KHDRBS2: variants seen among roughly 807,000 people sequenced by gnomAD.
The protein encoded by KHDRBS2 is KH RNA binding domain containing, signal transduction associated 2.
In KHDRBS2, 26 loss-of-function variants were observed where a neutral mutation model predicts 44.3. That is an observed-to-expected ratio of 0.59 (90% confidence interval 0.43 to 0.81). The LOEUF (loss-of-function observed/expected upper bound fraction) is 0.81. KHDRBS2 is among the 40% of genes least tolerant of loss of function. KHDRBS2 has a pLI of 0.00. For synonymous variants in KHDRBS2, 194 were observed against 151.1 expected, an observed-to-expected ratio of 1.28 and a Z score of -2.08; for missense variants, 476 against 433.1, an observed-to-expected ratio of 1.10 and a Z score of -0.88.
rs1430572673 is a variant in KHDRBS2, at chr6:62,225,781, T to C, written c.92-48469A>G. ...CAACTGCCACTTATGAGTGAGAACA[T>C]GCAGTGTTTGGTTTTCTGTTCCTGT... is the stretch of plus-strand genomic sequence containing the variant. On this transcript the variant is annotated intron_variant, in intron 1 of 8. Transcript: ENST00000281156. 5.3e-5 allele frequency among the ~76,000 whole-genome samples: 8 copies of C among 151,764 alleles called. No individual in the cohort carries two copies. The East Asian group carries it at 1.6e-3, about 30-fold the overall frequency.
intron 3 of KHDRBS2, among the ~76,000 whole-genome samples, chr6:62,012,569 T>C (rs1397185909): frequency 6.6e-6 from 1 of 152,316 alleles, no homozygotes; most frequent in African/African-American, 2.4e-5. Context: ...ACTTTTCTAC[T>C]TATCCTTTAT....
chr6:61,743,786 C>A (rs1221721228), intron 6 of KHDRBS2, among the ~76,000 whole-genome samples: 6 of 147,822 alleles, frequency 4.1e-5, no homozygotes, highest in South Asian at 2.3e-4. Flanking sequence ...CCCCTCCCCC[C>A]ACCCCACAAC....
chr6:61,634,176 C>T, the KHDRBS2 span, among the ~76,000 whole-genome samples: 2 of 151,740 alleles, frequency 1.3e-5, no homozygotes, highest in African/African-American at 4.8e-5. Flanking sequence ...AAATGCAGTT[C>T]CTTTATTTGT....
At position 61,805,188 on chromosome 6, in the gene KHDRBS2, T is replaced by C. The variant is rs749805057; in HGVS notation, c.811-72424A>G. ...TTTTTTCCTCCAGATACCCTAAATC[T>C]TCTCTCTAAAGCTCAAAGCTCCATA... On this transcript the variant is annotated intron_variant, in intron 6 of 8. Coordinates refer to ENST00000281156, the MANE Select transcript of KHDRBS2 (RefSeq NM_152688.4). 3.3e-5 allele frequency among the ~76,000 whole-genome samples: 5 copies of C among 152,146 alleles called. No individual in the cohort carries two copies. The East Asian group carries it at 9.7e-4, about 29-fold the overall frequency.
chr6:62,205,965 G>A (rs1187150944), intron 1 of KHDRBS2, among the ~76,000 whole-genome samples: 3 of 152,130 alleles, frequency 2.0e-5, no homozygotes, highest in African/African-American at 7.2e-5. Flanking sequence ...GCAAAAAATT[G>A]GGAAATGATG....
chr6:61,564,432 C>T, the KHDRBS2 span, among the ~76,000 whole-genome samples: 2 of 151,972 alleles, frequency 1.3e-5, no homozygotes, highest in Non-Finnish European at 2.9e-5. Context: ...TTTACATGGC[C>T]CACATTTACA....
At chr6:62,059,685 G>A (rs939811256) in intron 2 of KHDRBS2, among the ~76,000 whole-genome samples, 7 of 151,710 alleles carry the variant, frequency 4.6e-5, no homozygotes, top group Admixed American at 2.0e-4. Context: ...TAGCAATCAT[G>A]TATGGGTAGA....
chr6:62,072,144 T>G (rs1309441274), intron 2 of KHDRBS2, among the ~76,000 whole-genome samples: 4 of 152,194 alleles, frequency 2.6e-5, no homozygotes, highest in Admixed American at 6.6e-5. Context: ...TCTCTGTTTG[T>G]CTGTTATTGG....
At chr6:61,873,058 A>G (rs1162762430) in intron 6 of KHDRBS2, among the ~76,000 whole-genome samples, 1 of 152,266 alleles carries the variant, frequency 6.6e-6, no homozygotes, top group African/African-American at 2.4e-5. Context: ...GAGAAACAAT[A>G]TCATTTTAAA....
At chr6:61,712,329 G>A (rs1188867472) in intron 7 of KHDRBS2, among the ~76,000 whole-genome samples, 1 of 151,834 alleles carries the variant, frequency 6.6e-6, no homozygotes, top group Non-Finnish European at 1.5e-5. Context: ...ATTCTGGGTT[G>A]GATATTGACA....
intron 2 of KHDRBS2, among the ~76,000 whole-genome samples, chr6:62,109,322 C>T (rs1804443105): frequency 6.6e-6 from 1 of 151,660 alleles, no homozygotes; most frequent in Non-Finnish European, 1.5e-5. Flanking sequence ...AAGTACTTTC[C>T]AATCTAGAAA....
At chr6:61,848,246 C>T (rs923073199) in intron 6 of KHDRBS2, among the ~76,000 whole-genome samples, 1 of 151,028 alleles carries the variant, frequency 6.6e-6, no homozygotes, top group African/African-American at 2.4e-5. Context: ...TAGCCTGTAG[C>T]CCACATTTTA....
intron 6 of KHDRBS2, among the ~76,000 whole-genome samples, chr6:61,749,062 G>C (rs1322892629): frequency 7.6e-6 from 1 of 132,042 alleles, no homozygotes; most frequent in Non-Finnish European, 1.5e-5. Flanking sequence ...GCCCAGGCTG[G>C]AGTGCAGTGG....
At chr6:62,281,013 C>G (rs1328559745) in intron 1 of KHDRBS2, among the ~76,000 whole-genome samples, 2 of 152,118 alleles carry the variant, frequency 1.3e-5, no homozygotes, top group East Asian at 1.9e-4. Context: ...AAATCACCTG[C>G]TGAGAGTGAA....
chr6:61,708,475 G>A (rs532549046), intron 7 of KHDRBS2, among the ~76,000 whole-genome samples: 62 of 151,346 alleles, frequency 4.1e-4, no homozygotes, highest in Non-Finnish European at 6.8e-4. Context: ...AAGATCATGG[G>A]TTTTATTAGT....
intron 1 of KHDRBS2, among the ~76,000 whole-genome samples, chr6:62,184,392 C>T (rs373031597): frequency 3.3e-5 from 5 of 151,582 alleles, no homozygotes; most frequent in Admixed American, 6.6e-5. Context: ...AACTTTGCCA[C>T]GAATATCTGC....
At chr6:61,857,961 T>C (rs1796380275) in intron 6 of KHDRBS2, among the ~76,000 whole-genome samples, 1 of 151,982 alleles carries the variant, frequency 6.6e-6, no homozygotes, top group Non-Finnish European at 1.5e-5. Context: ...TATGGCACAC[T>C]GTGTTATATA....
chr6:62,108,012 A>G (rs899306148), intron 2 of KHDRBS2, among the ~76,000 whole-genome samples: 1 of 152,198 alleles, frequency 6.6e-6, no homozygotes, highest in East Asian at 1.9e-4. Context: ...CGTAGGCATT[A>G]CCATTCAGGA....
At chr6:61,825,877 G>A (rs1790783731) in intron 6 of KHDRBS2, among the ~76,000 whole-genome samples, 1 of 152,052 alleles carries the variant, frequency 6.6e-6, no homozygotes, top group African/African-American at 2.4e-5. Context: ...AATTAAATAA[G>A]TCAATATTTA....
Sources: gnomAD v4.1 joint callset for allele counts (sites outside exome capture counted in the v4.1 genomes callset) on GRCh38, gnomAD v4.1.1 for gene constraint, MANE v1.5 for transcripts, NCBI Gene and HGNC (gene_info 2026-07-23, HGNC 2026-07-21) for gene names.